The following RUFY4 variants were observed in gnomAD, a reference collection of about 807,000 sequenced individuals.
The protein encoded by RUFY4 is RUN and FYVE domain-containing protein 4.
RUFY4 carries 73 observed loss-of-function variants against 69.0 expected under a neutral mutation model. The observed-to-expected ratio is 1.06, with a 90% CI of 0.88 to 1.29. The LOEUF is 1.29. Among genes scored for constraint, RUFY4 ranks in the 50% most tolerant of loss-of-function variants. The pLI, the probability that RUFY4 is intolerant of heterozygous loss-of-function variation, is 0.00. For synonymous variants in RUFY4, 287 were observed against 271.8 expected (o/e 1.06, Z -0.55); for missense variants, 770 against 705.6 (o/e 1.09, Z -1.03).
At chr2:218,070,629 C>T in exon 1 of RUFY4, 1 of 1,537,590 alleles carries the variant, frequency 6.5e-7, no homozygotes, top group South Asian at 1.2e-5. Flanking sequence ...GAGCCATCCT[C>T]AAGGTCACCA....
chr2:218,083,319 G>A (rs553066381), intron 9 of RUFY4, 63 bp downstream of exon 11: 158 of 1,513,528 alleles, frequency 1.0e-4, no homozygotes, highest in Admixed American at 1.5e-4. Context: ...TGTGGAGCCC[G>A]GAGCGTGAAA....
At chr2:218,078,538 CG>C (rs1453776454) in intron 8 of RUFY4, among the ~76,000 whole-genome samples, 3 of 152,188 alleles carry the variant, frequency 2.0e-5, no homozygotes, top group South Asian at 4.2e-4. Context: ...GCGAGGTCAT[CG>C]GAAGTGCCTC....
chr2:218,066,177 C>CT (rs58665951), upstream of RUFY4, among the ~76,000 whole-genome samples: 2,713 of 74,390 alleles, frequency 0.036, 51 homozygotes, highest in South Asian at 0.061. Context: ...CTTTTCTTTT[C>CT]TTTTTTTTTT....
intron 8 of RUFY4, among the ~76,000 whole-genome samples, chr2:218,081,981 C>T (rs1270038510): frequency 6.6e-6 from 1 of 152,254 alleles, no homozygotes; most frequent in Non-Finnish European, 1.5e-5. Flanking sequence ...GGCACAGACA[C>T]GTACATGCAT....
intron 7 of RUFY4, 140 bp from the exon 10 acceptor site, chr2:218,076,287 G>T (rs1248201047): frequency 4.4e-6 from 6 of 1,365,430 alleles, no homozygotes; most frequent in Admixed American, 3.2e-5. Context: ...ACAGAGCCAG[G>T]CATCACAGCT....
At chr2:218,037,988 G>A (rs1369350586) in intron 2 of RUFY4, among the ~76,000 whole-genome samples, 3 of 152,132 alleles carry the variant, frequency 2.0e-5, no homozygotes, top group Non-Finnish European at 4.4e-5. Flanking sequence ...AACCAGCAAA[G>A]TTTCAAATAA....
chr2:218,076,498 G>C (rs745528915), exon 8 of RUFY4: 3 of 1,551,214 alleles, frequency 1.9e-6, no homozygotes, highest in African/African-American at 1.4e-5. Context: ...GGGAGCAGGA[G>C]GGGGAGCTGC....
rs138010503 is a variant in RUFY4, at chr2:218,071,514, G to T, written c.153+655G>T. ...CTCCTTCAAGCAGGAAGGCTTTTCT[G>T]GGCACCCTAGATTTTCAACACACGT... is the stretch of plus-strand genomic sequence containing the variant. On this transcript the variant is annotated intron_variant, in intron 2 of 10. Coordinates refer to ENST00000344321, the Ensembl canonical transcript of RUFY4. Among the ~76,000 whole-genome samples, 9 of 151,890 alleles carry T rather than the reference G, an allele frequency of 5.9e-5. No homozygotes were observed. In the East Asian group the frequency reaches 1.7e-3, roughly 30 times the overall value.
intron 2 of RUFY4, among the ~76,000 whole-genome samples, chr2:218,051,081 C>G (rs1254350816): frequency 6.6e-6 from 1 of 151,962 alleles, no homozygotes; most frequent in Non-Finnish European, 1.5e-5. Context: ...TATGATATTG[C>G]CCAGTCTGGT....
At chr2:218,089,845 A>G in intron 10 of RUFY4, 107 bp from the exon 13 acceptor site, 1 of 797,344 alleles carries the variant, frequency 1.3e-6, no homozygotes, top group Non-Finnish European at 2.2e-6. Context: ...TGAGAAACAG[A>G]TGTCTCAGGT....
Position 218,072,372 on chromosome 2 carries a change from A to C in RUFY4, c.154-2A>C. On this transcript the variant is annotated splice_acceptor_variant, in intron 2 of 10. Transcript: ENST00000344321. LOFTEE classifies it high-confidence loss of function. ...ACTTTCTTTGCCTCATTTTGGTTCT[A>C]GTTTGACCAGAAAGAGCAGAAGAGC... 1 of 1,537,164 alleles carries C rather than the reference A, an allele frequency of 6.5e-7. No individual in the cohort carries two copies. Among genetic ancestry groups the C allele is most frequent in the South Asian group, 1.2e-5 (1 of 84,048 alleles).
chr2:218,046,280 T>C (rs1273208339), intron 2 of RUFY4, among the ~76,000 whole-genome samples: 1 of 152,038 alleles, frequency 6.6e-6, no homozygotes, highest in South Asian at 2.1e-4. Context: ...CTAGAGACAC[T>C]AGAATTTATT....
At chr2:218,042,170 C>T (rs370814079) in intron 2 of RUFY4, among the ~76,000 whole-genome samples, 75 of 152,238 alleles carry the variant, frequency 4.9e-4, no homozygotes, top group South Asian at 2.1e-3. Flanking sequence ...ATAAAGGCAA[C>T]GACAATCAGG....
chr2:218,090,152 C>T lies in RUFY4; in HGVS notation c.*98C>T, dbSNP rs906420307. Reference sequence around the variant, plus strand: ...AGCTCTTCCCAGCCCTCTTGTTTGTCCAGTCCTCATTCTAGACACTGAAGA... The same window carrying T: ...AGCTCTTCCCAGCCCTCTTGTTTGTTCAGTCCTCATTCTAGACACTGAAGA... On this transcript the variant is annotated 3_prime_UTR_variant, in exon 11 of 11. Transcript: ENST00000344321. 4 of 665,446 alleles carry T rather than the reference C, an allele frequency of 6.0e-6. No individual in the cohort carries two copies. The African/African-American group carries it at 7.3e-5, about 12-fold the overall frequency. The allele number at this position is 665,446 out of a possible 1,614,324, so 41.2% of individuals were successfully genotyped here. A position where few individuals can be genotyped will look rare whatever the true frequency, so the allele number is the denominator to read the frequency against.
At chr2:218,081,998 C>A (rs886694090) in intron 8 of RUFY4, among the ~76,000 whole-genome samples, 1 of 152,252 alleles carries the variant, frequency 6.6e-6, no homozygotes, top group Admixed American at 6.5e-5. Context: ...GCATCCTGAG[C>A]GCTGGGACTC....
intron 2 of RUFY4, among the ~76,000 whole-genome samples, chr2:218,040,798 C>G (rs1038463374): frequency 2.0e-5 from 3 of 152,082 alleles, no homozygotes; most frequent in African/African-American, 7.2e-5. Flanking sequence ...ATCCTCAGGT[C>G]TGGCAGCAAA....
At chr2:218,077,597 G>A (rs1041475594) in intron 8 of RUFY4, among the ~76,000 whole-genome samples, 5 of 152,148 alleles carry the variant, frequency 3.3e-5, no homozygotes, top group East Asian at 1.9e-4. Flanking sequence ...CTCCGGGTAC[G>A]TCAGTCTGCC....
At chr2:218,083,412 G>A (rs1689815123) in intron 9 of RUFY4, among the ~76,000 whole-genome samples, 156 bp downstream of exon 11, 1 of 152,090 alleles carries the variant, frequency 6.6e-6, no homozygotes, top group African/African-American at 2.4e-5. Context: ...GCCACTCCCT[G>A]CTGTTATCCC....
chr2:218,054,809 G>T (rs1689024538), intron 2 of RUFY4, among the ~76,000 whole-genome samples: 2 of 152,190 alleles, frequency 1.3e-5, no homozygotes, highest in South Asian at 4.1e-4. Flanking sequence ...ACAACAATTT[G>T]GTGAGGCAAA....
Sources: allele counts gnomAD v4.1 joint callset (sites outside exome capture counted in the v4.1 genomes callset), GRCh38; gene constraint gnomAD v4.1.1; transcripts MANE v1.5; gene names NCBI Gene and HGNC (gene_info 2026-07-23, HGNC 2026-07-21).